ITGA2: variants seen among roughly 807,000 people sequenced by gnomAD.
The protein encoded by ITGA2 is integrin alpha-2.
In ITGA2, 101 loss-of-function variants were observed where a neutral mutation model predicts 146.3. The ratio of observed to expected loss-of-function variants is 0.69; its 90% confidence interval spans 0.59 to 0.81. The LOEUF is 0.81. Among genes scored for constraint, ITGA2 ranks in the 40% least tolerant of loss-of-function variants. ITGA2 has a pLI of 0.00. For synonymous variants in ITGA2, 477 were observed against 487.1 expected (o/e 0.98, Z 0.27); for missense variants, 1,281 against 1,402.7 (o/e 0.91, Z 1.39).
chr5:52,995,511 G>T (rs1040806241), intron 1 of ITGA2, among the ~76,000 whole-genome samples: 2 of 152,094 alleles, frequency 1.3e-5, no homozygotes, highest in African/African-American at 4.8e-5. Flanking sequence ...GGAGAGAGAG[G>T]GAGAAGATAA....
At chr5:53,087,287 G>C (rs1448957188) in intron 28 of ITGA2, among the ~76,000 whole-genome samples, 1 of 152,112 alleles carries the variant, frequency 6.6e-6, no homozygotes, top group Non-Finnish European at 1.5e-5. Flanking sequence ...CCTAGAGGTG[G>C]TGATCCAGTG....
intron 2 of ITGA2, among the ~76,000 whole-genome samples, chr5:53,034,193 A>G (rs10069239): frequency 0.38 from 57,794 of 152,000 alleles, 11,135 homozygotes; most frequent in South Asian, 0.44. Context: ...ATATTCTTAC[A>G]CTTTTATTTT....
intron 1 of ITGA2, among the ~76,000 whole-genome samples, chr5:53,004,045 G>C (rs1031109897): frequency 9.2e-5 from 14 of 152,000 alleles, no homozygotes; most frequent in Non-Finnish European, 1.6e-4. Context: ...GGGGTGTCTG[G>C]TCTGTGCATT....
intron 1 of ITGA2, among the ~76,000 whole-genome samples, chr5:53,002,828 C>A (rs1041339328): frequency 3.3e-5 from 5 of 152,144 alleles, no homozygotes; most frequent in Admixed American, 6.5e-5. Flanking sequence ...ATTAGATTTT[C>A]ATTTACTTCT....
chr5:53,033,353 A>T (rs940973834), intron 2 of ITGA2, among the ~76,000 whole-genome samples: 3 of 151,974 alleles, frequency 2.0e-5, no homozygotes, highest in African/African-American at 7.3e-5. Context: ...TGCATATTGG[A>T]TTAGCTTCAT....
chr5:53,040,278 A>G (rs1323082395), intron 2 of ITGA2, among the ~76,000 whole-genome samples: 1 of 152,146 alleles, frequency 6.6e-6, no homozygotes, highest in Non-Finnish European at 1.5e-5. Flanking sequence ...TTTACACTTT[A>G]AGATATGTCC....
At chr5:53,002,436 C>T (rs1579780868) in intron 1 of ITGA2, among the ~76,000 whole-genome samples, 1 of 152,016 alleles carries the variant, frequency 6.6e-6, no homozygotes, top group East Asian at 1.9e-4. Flanking sequence ...TTGATATTTA[C>T]ATGTGATTAT....
intron 7 of ITGA2, among the ~76,000 whole-genome samples, chr5:53,054,129 A>G (rs572499405): frequency 1.3e-5 from 2 of 152,322 alleles, no homozygotes; most frequent in East Asian, 3.9e-4. Context: ...TCAGTTTTAT[A>G]ATAAACTGAA....
chr5:52,992,257 C>T (rs1740998134), intron 1 of ITGA2, among the ~76,000 whole-genome samples: 1 of 152,176 alleles, frequency 6.6e-6, no homozygotes, highest in South Asian at 2.1e-4. Flanking sequence ...ATCTCCTTCA[C>T]AGGCTCTTTC....
At chr5:53,073,318 T>G (rs1046497501) in intron 20 of ITGA2, 59 bp downstream of exon 20, 2 of 1,565,976 alleles carry the variant, frequency 1.3e-6, no homozygotes, top group East Asian at 4.5e-5. Context: ...GATCACTGTC[T>G]TCTCTATGTC....
intron 16 of ITGA2, among the ~76,000 whole-genome samples, chr5:53,069,523 A>G (rs1579884756): frequency 6.6e-6 from 1 of 152,042 alleles, no homozygotes; most frequent in Middle Eastern, 3.4e-3. Context: ...CACAATAACA[A>G]TTAATTCTTA....
Position 52,989,356 on chromosome 5 carries a change from A to G in ITGA2, c.-113A>G. The G allele has an allele frequency of 8.9e-7, 1 of 1,126,834 alleles. No homozygotes were observed. The highest frequency in any genetic ancestry group is 1.3e-6 in the Non-Finnish European group (1 of 745,248). The allele number at this position is 1,126,834 out of a possible 1,614,324, so 69.8% of individuals were successfully genotyped here. A position where few individuals can be genotyped will look rare whatever the true frequency, so the allele number is the denominator to read the frequency against. ...CCTGCTCTCACCGGGCGGGGGAGAG[A>G]AGCCCTCTGGACAGCTTCTAGAGTG... On this transcript the variant is annotated 5_prime_UTR_variant, in exon 1 of 30. Transcript: ENST00000296585.
Position 53,056,128 on chromosome 5 carries a change from G to A in ITGA2, c.1075G>A (p.Glu359Lys). The change falls in exon 9 of 30, where the codon GAA becomes AAA. Residue 359 changes from glutamate to lysine, a missense_variant. This residue lies in a region of ITGA2 where 795 missense variants were observed against 841.7 expected (regional missense o/e 0.94). Coordinates refer to ENST00000296585, the MANE Select transcript of ITGA2 (RefSeq NM_002203.4). ...ALLEKAGTLG[E>K]QIFSIEGTVQ... Reference sequence around the variant, plus strand: ...ACTAGAAAAGGCTGGGACATTAGGAGAACAAATTTTCAGCATTGAAGGTAA... The same window carrying A: ...ACTAGAAAAGGCTGGGACATTAGGAAAACAAATTTTCAGCATTGAAGGTAA... The A allele has an allele frequency of 1.2e-6, 2 of 1,611,538 alleles. No individual in the cohort carries two copies. Among genetic ancestry groups the A allele is most frequent in the South Asian group, 1.1e-5 (1 of 90,784 alleles).
intron 17 of ITGA2, among the ~76,000 whole-genome samples, chr5:53,070,685 T>C (rs1043585388): frequency 6.6e-6 from 1 of 151,938 alleles, no homozygotes; most frequent in Non-Finnish European, 1.5e-5. Flanking sequence ...AGATGAAATA[T>C]AGTAGATTAT....
intron 18 of ITGA2, 34 bp from the exon 19 acceptor site, chr5:53,072,579 A>G: frequency 6.5e-7 from 1 of 1,544,146 alleles, no homozygotes; most frequent in Admixed American, 1.7e-5. Context: ...TCAACCCAAG[A>G]GCAAATGTAT....
intron 12 of ITGA2, 101 bp downstream of exon 12, chr5:53,061,147 A>G: frequency 3.6e-6 from 4 of 1,114,950 alleles, no homozygotes; most frequent in Non-Finnish European, 5.5e-6. Flanking sequence ...CTGAGTGCCT[A>G]CTCTGTGATT....
chr5:53,037,505 G>C (rs767002218), intron 2 of ITGA2, among the ~76,000 whole-genome samples: 2 of 152,104 alleles, frequency 1.3e-5, no homozygotes, highest in Admixed American at 6.5e-5. Flanking sequence ...AAATTTCATA[G>C]AGAAATATAA....
intron 1 of ITGA2, among the ~76,000 whole-genome samples, chr5:52,991,994 TC>T (rs1369886883): frequency 4.4e-5 from 5 of 113,204 alleles, no homozygotes; most frequent in Non-Finnish European, 1.1e-4. Flanking sequence ...TCAAGGATAG[TC>T]CTTCCACCCA....
intron 1 of ITGA2, among the ~76,000 whole-genome samples, chr5:53,008,734 C>T (rs1019712930): frequency 2.0e-5 from 3 of 152,116 alleles, no homozygotes; most frequent in African/African-American, 7.2e-5. Flanking sequence ...CTCAAGATTT[C>T]CGTGAACTCC....
Sources: allele counts gnomAD v4.1 joint callset (sites outside exome capture counted in the v4.1 genomes callset), GRCh38; gene constraint gnomAD v4.1.1; regional missense constraint gnomAD v4.1.1; transcripts MANE v1.5; gene names NCBI Gene and HGNC (gene_info 2026-07-23, HGNC 2026-07-21).